Variants in SLC15A2 observed in about 807,000 individuals in gnomAD.
SLC15A2 encodes the protein solute carrier family 15 member 2.
SLC15A2 carries 77 observed loss-of-function variants against 95.5 expected under a neutral mutation model. That is an observed-to-expected ratio of 0.81 (90% CI 0.67 to 0.97). The LOEUF is 0.97. Ranked by LOEUF, SLC15A2 falls within the 50% of genes least tolerant of loss-of-function variation. SLC15A2 has a pLI of 0.00. For synonymous variants in SLC15A2, 306 were observed against 306.9 expected, an observed-to-expected ratio of 1.00 and a Z score of 0.03; for missense variants, 893 against 874.4, an observed-to-expected ratio of 1.02 and a Z score of -0.27.
intron 7 of SLC15A2, among the ~76,000 whole-genome samples, chr3:121,916,742 A>G (rs1216271482): frequency 6.6e-6 from 1 of 150,768 alleles, no homozygotes; most frequent in African/African-American, 2.5e-5. Context: ...AGCTGTCATT[A>G]TTAGTCAGCA....
intron 19 of SLC15A2, among the ~76,000 whole-genome samples, chr3:121,937,594 G>A (rs1261014388): frequency 6.6e-6 from 1 of 151,234 alleles, no homozygotes; most frequent in African/African-American, 2.4e-5. Context: ...CGTAGTTCTC[G>A]AGCCTTGGTT....
At chr3:121,932,461 C>A (rs1261781914) in intron 19 of SLC15A2, among the ~76,000 whole-genome samples, 1 of 152,162 alleles carries the variant, frequency 6.6e-6, no homozygotes, top group African/African-American at 2.4e-5. Context: ...ATGTCACAGT[C>A]TGAAATACTG....
chr3:121,906,317 G>A (rs577725733), intron 3 of SLC15A2, among the ~76,000 whole-genome samples: 1 of 152,174 alleles, frequency 6.6e-6, no homozygotes, highest in East Asian at 1.9e-4. Context: ...TATCCAATTT[G>A]CCACTCTATG....
chr3:121,906,567 C>G (rs1373568636), intron 3 of SLC15A2, among the ~76,000 whole-genome samples: 2 of 152,190 alleles, frequency 1.3e-5, no homozygotes, highest in Non-Finnish European at 2.9e-5. Context: ...GTGACAAAAT[C>G]TCTTAGCATT....
At chr3:121,900,045 T>G (rs561661426) in intron 3 of SLC15A2, among the ~76,000 whole-genome samples, 4 of 152,208 alleles carry the variant, frequency 2.6e-5, no homozygotes, top group Admixed American at 6.5e-5. Flanking sequence ...TCTTGTTTAC[T>G]TCACTCTTTC....
chr3:121,928,357 T>C (rs1710162683), intron 14 of SLC15A2, 64 bp from the exon 15 acceptor site: 1 of 1,566,750 alleles, frequency 6.4e-7, no homozygotes, highest in Non-Finnish European at 8.7e-7. Flanking sequence ...AACTGAGATA[T>C]GTGTTGCCAT....
At chr3:121,895,111 A>G in intron 1 of SLC15A2, among the ~76,000 whole-genome samples, 1 of 152,230 alleles carries the variant, frequency 6.6e-6, no homozygotes, top group East Asian at 1.9e-4. Flanking sequence ...TAAACTCATC[A>G]TCTCAGTCAA....
rs1167761154 is a variant in SLC15A2 at position 121,941,435 on chromosome 3, T to A, written c.*428T>A. 1 of 153,856 alleles carries A rather than the reference T, an allele frequency of 6.5e-6. No homozygotes were observed. Among genetic ancestry groups the A allele is most frequent in the Admixed American group, 6.5e-5 (1 of 15,390 alleles). 9.5% of individuals were successfully genotyped at this position (153,856 alleles called of 1,614,324 possible). On this transcript the variant is annotated 3_prime_UTR_variant, in exon 22 of 22. Transcript: ENST00000489711. ...GAAATGGTATTTCAAGTTTTTTTTT[T>A]TATAAGCAATGTAATTATGCTATTC...
intron 17 of SLC15A2, among the ~76,000 whole-genome samples, chr3:121,929,714 A>G (rs968045319): frequency 3.3e-5 from 5 of 152,158 alleles, no homozygotes; most frequent in South Asian, 2.1e-4. Context: ...AGTTGAATAT[A>G]TATCTTTTAA....
intron 3 of SLC15A2, among the ~76,000 whole-genome samples, chr3:121,906,919 C>T (rs1709659977): frequency 1.3e-5 from 2 of 152,162 alleles, no homozygotes; most frequent in African/African-American, 4.8e-5. Flanking sequence ...TGGGGAAGTT[C>T]TCCTGGATAA....
chr3:121,911,494 G>A, intron 3 of SLC15A2, 80 bp from the exon 4 acceptor site: 1 of 918,446 alleles, frequency 1.1e-6, no homozygotes, highest in Non-Finnish European at 1.8e-6. Context: ...CCCACACTGA[G>A]AACAGTATGA....
chr3:121,935,217 A>G (rs1710314355), intron 19 of SLC15A2, among the ~76,000 whole-genome samples: 1 of 152,206 alleles, frequency 6.6e-6, no homozygotes, highest in Non-Finnish European at 1.5e-5. Context: ...ATATTGGTCT[A>G]AAATTCTCTT....
chr3:121,903,324 G>T (rs1353856806), intron 3 of SLC15A2, among the ~76,000 whole-genome samples: 5 of 152,090 alleles, frequency 3.3e-5, no homozygotes. Context: ...GATGGTAGTT[G>T]CTTTTGCTGT....
chr3:121,928,587 C>T, intron 15 of SLC15A2, 32 bp downstream of exon 15: 1 of 1,605,210 alleles, frequency 6.2e-7, no homozygotes, highest in Non-Finnish European at 8.5e-7. Flanking sequence ...ATTAGAAACT[C>T]TGTATGCTAT....
At chr3:121,938,592 C>A (rs1196086010) in intron 19 of SLC15A2, among the ~76,000 whole-genome samples, 2 of 152,230 alleles carry the variant, frequency 1.3e-5, no homozygotes, top group Non-Finnish European at 2.9e-5. Flanking sequence ...TCGCACTTCC[C>A]GAGTGAGGCA....
intron 3 of SLC15A2, among the ~76,000 whole-genome samples, chr3:121,900,467 C>T (rs1709499759): frequency 6.6e-6 from 1 of 152,072 alleles, no homozygotes; most frequent in African/African-American, 2.4e-5. Context: ...ATTAATTTTC[C>T]TAAAAGAAAT....
At chr3:121,934,304 T>A (rs1710294027) in intron 19 of SLC15A2, among the ~76,000 whole-genome samples, 1 of 152,208 alleles carries the variant, frequency 6.6e-6, no homozygotes, top group Admixed American at 6.5e-5. Context: ...TTGAAGAAAG[T>A]CATTGGTAGC....
intron 3 of SLC15A2, among the ~76,000 whole-genome samples, chr3:121,904,982 C>T (rs199580887): frequency 6.6e-6 from 1 of 152,078 alleles, no homozygotes; most frequent in Non-Finnish European, 1.5e-5. Flanking sequence ...CTGGTCCTGG[C>T]CTTTTTTTGG....
intron 2 of SLC15A2, among the ~76,000 whole-genome samples, 173 bp downstream of exon 2, chr3:121,896,666 A>T (rs1249295272): frequency 6.6e-6 from 1 of 152,022 alleles, no homozygotes; most frequent in Non-Finnish European, 1.5e-5. Context: ...ATAGGATTTC[A>T]CCTAATATGT....
Sources: allele counts gnomAD v4.1 joint callset (sites outside exome capture counted in the v4.1 genomes callset), GRCh38; gene constraint gnomAD v4.1.1; transcripts MANE v1.5; gene names NCBI Gene and HGNC (gene_info 2026-07-23, HGNC 2026-07-21).